ARHGEF28: variants seen among roughly 807,000 people sequenced by gnomAD.
ARHGEF28 encodes Rho guanine nucleotide exchange factor 28, also known as 190 kDa guanine nucleotide exchange factor.
A neutral mutation model predicts 206.6 loss-of-function variants in ARHGEF28; 152 were observed. That is an observed-to-expected ratio of 0.74 (90% CI 0.64 to 0.84). The LOEUF is 0.84. Ranked by LOEUF, ARHGEF28 falls within the 40% of genes least tolerant of loss-of-function variation. The pLI, the probability that ARHGEF28 is intolerant of heterozygous loss-of-function variation, is 0.00. For synonymous variants in ARHGEF28, 763 were observed against 776.4 expected, an observed-to-expected ratio of 0.98 and a Z score of 0.29; for missense variants, 2,028 against 2,073.2, an observed-to-expected ratio of 0.98 and a Z score of 0.42.
intron 9 of ARHGEF28, among the ~76,000 whole-genome samples, chr5:73,825,595 C>T (rs145233861): frequency 3.9e-5 from 6 of 152,160 alleles, no homozygotes; most frequent in South Asian, 2.1e-4. Context: ...TATCCTGTGG[C>T]GAAAAGGCTA....
chr5:73,626,754 G>C (rs538585603), intron 1 of ARHGEF28, among the ~76,000 whole-genome samples: 1 of 152,344 alleles, frequency 6.6e-6, no homozygotes, highest in South Asian at 2.1e-4. Flanking sequence ...GGCAGGGCCA[G>C]GACCGCAGAA....
intron 9 of ARHGEF28, 28 bp from the exon 10 acceptor site, chr5:73,832,310 T>C (rs775064938): frequency 1.9e-6 from 3 of 1,610,088 alleles, no homozygotes; most frequent in Non-Finnish European, 2.5e-6. Flanking sequence ...TCTCCTTTAT[T>C]TGCCCTGTTT....
At chr5:73,764,636 G>GA (rs1752797592) in intron 4 of ARHGEF28, among the ~76,000 whole-genome samples, 1 of 152,138 alleles carries the variant, frequency 6.6e-6, no homozygotes, top group East Asian at 1.9e-4. Context: ...TTTTAGGGAG[G>GA]AAAAACCTGC....
At chr5:73,816,572 G>A (rs1255324780) in intron 9 of ARHGEF28, among the ~76,000 whole-genome samples, 1 of 152,166 alleles carries the variant, frequency 6.6e-6, no homozygotes, top group African/African-American at 2.4e-5. Context: ...TTACTGGCTT[G>A]TGGAGGGAGT....
intron 11 of ARHGEF28, among the ~76,000 whole-genome samples, chr5:73,842,633 T>A (rs1190763639): frequency 6.6e-6 from 1 of 152,196 alleles, no homozygotes; most frequent in East Asian, 1.9e-4. Context: ...TATACAGTTT[T>A]GCAAAAATAA....
chr5:73,841,883 G>A (rs1305392522), intron 11 of ARHGEF28, among the ~76,000 whole-genome samples: 2 of 151,836 alleles, frequency 1.3e-5, no homozygotes, highest in Non-Finnish European at 2.9e-5. Context: ...AAGGTGGGTG[G>A]GCTCATGAGT....
intron 1 of ARHGEF28, among the ~76,000 whole-genome samples, chr5:73,682,833 G>T (rs1747195119): frequency 6.6e-6 from 1 of 152,206 alleles, no homozygotes; most frequent in African/African-American, 2.4e-5. Flanking sequence ...GCCTGAACCT[G>T]GGAGGCGGAG....
chr5:73,824,656 C>A (rs1039203409), intron 9 of ARHGEF28, among the ~76,000 whole-genome samples: 2 of 152,038 alleles, frequency 1.3e-5, no homozygotes, highest in Admixed American at 1.3e-4. Context: ...TTAATAGAGA[C>A]AGGGTTTTGC....
chr5:73,814,720 T>C (rs1756076721), intron 9 of ARHGEF28, among the ~76,000 whole-genome samples: 1 of 152,108 alleles, frequency 6.6e-6, no homozygotes, highest in Admixed American at 6.5e-5. Context: ...CACCCTGTGC[T>C]TCTCCCAGAG....
chr5:73,762,520 A>G (rs1165234691), intron 4 of ARHGEF28, among the ~76,000 whole-genome samples: 1 of 151,332 alleles, frequency 6.6e-6, no homozygotes, highest in Non-Finnish European at 1.5e-5. Flanking sequence ...TTATTCTTGT[A>G]TAAATTTTTC....
chr5:73,667,598 T>A (rs1746039357), intron 1 of ARHGEF28, among the ~76,000 whole-genome samples: 1 of 152,224 alleles, frequency 6.6e-6, no homozygotes, highest in Non-Finnish European at 1.5e-5. Flanking sequence ...CGTATTAATC[T>A]CTTAGCAAAC....
intron 2 of ARHGEF28, among the ~76,000 whole-genome samples, chr5:73,705,808 C>T (rs1220105933): frequency 6.6e-6 from 1 of 152,092 alleles, no homozygotes; most frequent in African/African-American, 2.4e-5. Context: ...TTTCATAGAC[C>T]ATGTTGTCAT....
chr5:73,711,574 T>A (rs1749248012), intron 2 of ARHGEF28, among the ~76,000 whole-genome samples: 1 of 152,128 alleles, frequency 6.6e-6, no homozygotes, highest in African/African-American at 2.4e-5. Context: ...ACATTTTAAT[T>A]TTTGGTGCTA....
intron 35 of ARHGEF28, among the ~76,000 whole-genome samples, chr5:73,918,718 T>C (rs1370079192): frequency 1.3e-5 from 2 of 152,078 alleles, no homozygotes; most frequent in African/African-American, 4.8e-5. Flanking sequence ...TGTGATGGTA[T>C]TGAGGAGGGC....
chr5:73,757,462 C>A (rs1441227824), intron 4 of ARHGEF28, among the ~76,000 whole-genome samples: 1 of 152,142 alleles, frequency 6.6e-6, no homozygotes, highest in Non-Finnish European at 1.5e-5. Flanking sequence ...GTGATCAAAA[C>A]CCTGCTGTGA....
At chr5:73,929,423 TA>T (rs1763988606) in intron 35 of ARHGEF28, among the ~76,000 whole-genome samples, 1 of 152,222 alleles carries the variant, frequency 6.6e-6, no homozygotes, top group African/African-American at 2.4e-5. Context: ...AAAAAGTTAA[TA>T]ATTCCATAAT....
At chr5:73,630,811 A>G (rs1743322637) in intron 1 of ARHGEF28, among the ~76,000 whole-genome samples, 1 of 152,208 alleles carries the variant, frequency 6.6e-6, no homozygotes, top group Non-Finnish European at 1.5e-5. Flanking sequence ...GATGAATTGA[A>G]TGTGAATGTG....
At chr5:73,926,343 AGGGT>A in intron 35 of ARHGEF28, among the ~76,000 whole-genome samples, 1 of 152,294 alleles carries the variant, frequency 6.6e-6, no homozygotes, top group South Asian at 2.1e-4. Flanking sequence ...CTCTCGTTTC[AGGGT>A]GGCAGCATGT....
At chr5:73,925,726 C>T (rs6453033) in intron 35 of ARHGEF28, among the ~76,000 whole-genome samples, 39,428 of 151,540 alleles carry the variant, frequency 0.26, 7,361 homozygotes, top group East Asian at 0.59. Context: ...CCTTTTGGGG[C>T]CTAGCTTTTT....
Sources: allele counts gnomAD v4.1 joint callset (sites outside exome capture counted in the v4.1 genomes callset), GRCh38; gene constraint gnomAD v4.1.1; transcripts MANE v1.5; gene names NCBI Gene and HGNC (gene_info 2026-07-23, HGNC 2026-07-21).